LRFN2: variants seen among roughly 807,000 people sequenced by gnomAD.
The protein encoded by LRFN2 is leucine-rich repeat and fibronectin type-III domain-containing protein 2.
A neutral mutation model predicts 37.3 loss-of-function variants in LRFN2; 18 were observed. The observed-to-expected ratio is 0.48, with a 90% CI of 0.33 to 0.72. The LOEUF (loss-of-function observed/expected upper bound fraction) is 0.72. LRFN2 is among the 30% of genes least tolerant of loss of function. The probability of loss-of-function intolerance (pLI) is 0.02; values close to 1 mark genes in which losing one functional copy is unlikely to be tolerated. For synonymous variants in LRFN2, 556 were observed against 466.6 expected, an observed-to-expected ratio of 1.19 and a Z score of -2.47; for missense variants, 1,006 against 1,060.7, an observed-to-expected ratio of 0.95 and a Z score of 0.72.
intron 1 of LRFN2, among the ~76,000 whole-genome samples, chr6:40,529,064 A>G (rs1317297671): frequency 6.6e-6 from 1 of 152,070 alleles, no homozygotes; most frequent in African/African-American, 2.4e-5. Context: ...GCCCTTTTCT[A>G]TTTTCCAGGC....
chr6:40,571,695 G>A (rs925291064), intron 1 of LRFN2, among the ~76,000 whole-genome samples: 1 of 152,216 alleles, frequency 6.6e-6, no homozygotes, highest in African/African-American at 2.4e-5. Flanking sequence ...GAGCCTCTGT[G>A]GCCCTCCTTT....
At chr6:40,502,372 T>C (rs1765405223) in intron 1 of LRFN2, 1 of 152,134 alleles carries the variant, frequency 6.6e-6, no homozygotes, top group Non-Finnish European at 1.5e-5. Flanking sequence ...AGAATGGAAG[T>C]CCTTTGGGTG....
At chr6:40,442,182 T>C (rs79755011) in intron 1 of LRFN2, among the ~76,000 whole-genome samples, 11,963 of 152,260 alleles carry the variant, frequency 0.079, 690 homozygotes, top group Admixed American at 0.18. Context: ...GTGCAGGGTC[T>C]TCTCTAGGAA....
chr6:40,552,912 C>T (rs1487839560), intron 1 of LRFN2, among the ~76,000 whole-genome samples: 2 of 152,150 alleles, frequency 1.3e-5, no homozygotes, highest in African/African-American at 4.8e-5. Flanking sequence ...ATCCTATTCT[C>T]ATTTATCTTA....
intron 1 of LRFN2, among the ~76,000 whole-genome samples, chr6:40,573,669 T>C (rs1767226098): frequency 6.6e-6 from 1 of 152,194 alleles, no homozygotes; most frequent in Non-Finnish European, 1.5e-5. Flanking sequence ...GGCCTGGGAC[T>C]TTCCTAACTT....
chr6:40,393,701 G>A (rs1290221118), intron 2 of LRFN2, among the ~76,000 whole-genome samples: 2 of 152,152 alleles, frequency 1.3e-5, no homozygotes, highest in South Asian at 2.1e-4. Context: ...AGCCCACCCC[G>A]AGGCTTGCTC....
intron 1 of LRFN2, among the ~76,000 whole-genome samples, chr6:40,585,694 G>A (rs1281608320): frequency 6.6e-6 from 1 of 152,104 alleles, no homozygotes; most frequent in African/African-American, 2.4e-5. Context: ...TCACAGCCCA[G>A]GGAATGGCAG....
At chr6:40,585,826 T>A (rs1410271705) in intron 1 of LRFN2, among the ~76,000 whole-genome samples, 6 of 150,424 alleles carry the variant, frequency 4.0e-5, no homozygotes, top group Non-Finnish European at 8.9e-5. Flanking sequence ...CCCTGAAACA[T>A]ACACATGCGT....
chr6:40,498,099 T>A (rs1483969615), intron 1 of LRFN2, among the ~76,000 whole-genome samples: 1 of 152,060 alleles, frequency 6.6e-6, no homozygotes, highest in Non-Finnish European at 1.5e-5. Flanking sequence ...GGAGGCAACA[T>A]TGACTCTACA....
intron 1 of LRFN2, among the ~76,000 whole-genome samples, chr6:40,516,873 AC>A (rs1765893524): frequency 6.6e-6 from 1 of 152,054 alleles, no homozygotes; most frequent in Admixed American, 6.6e-5. Context: ...GCAGAAAAAG[AC>A]CCCAAGGCCA....
chr6:40,460,564 T>C (rs529886177), intron 1 of LRFN2, among the ~76,000 whole-genome samples: 1 of 152,288 alleles, frequency 6.6e-6, no homozygotes, highest in South Asian at 2.1e-4. Flanking sequence ...GAAATGCAAA[T>C]TGCCATAATA....
At chr6:40,471,441 T>C (rs1006132783) in intron 1 of LRFN2, among the ~76,000 whole-genome samples, 1 of 152,198 alleles carries the variant, frequency 6.6e-6, no homozygotes, top group Non-Finnish European at 1.5e-5. Flanking sequence ...TCACACCGAC[T>C]GCTGAAATCT....
intron 2 of LRFN2, among the ~76,000 whole-genome samples, chr6:40,419,451 A>G (rs1005384570): frequency 6.6e-6 from 1 of 152,156 alleles, no homozygotes; most frequent in Non-Finnish European, 1.5e-5. Flanking sequence ...GAAGATTGAA[A>G]TCAGAACTGG....
rs76523296 is a variant in LRFN2 at position 40,447,023 on chromosome 6, T to A, written c.-18-13892A>T. On this transcript the variant is annotated intron_variant, in intron 1 of 2. Coordinates refer to ENST00000338305, the MANE Select transcript of LRFN2 (RefSeq NM_020737.3). ...AGCTCCCTGGGATTGGGGCTGCGTC[T>A]CCCCTCAGACTGGGGCTCCCTGAGG... 1.7e-4 allele frequency among the ~76,000 whole-genome samples: 24 copies of A among 139,958 alleles called. No homozygotes were observed. The East Asian group carries it at 5.1e-3, about 30-fold the overall frequency. 91.8% of individuals were successfully genotyped at this position (139,958 alleles called of 152,430 possible).
chr6:40,564,778 C>A (rs1767058913), intron 1 of LRFN2, among the ~76,000 whole-genome samples: 1 of 152,116 alleles, frequency 6.6e-6, no homozygotes, highest in Non-Finnish European at 1.5e-5. Context: ...TGCTTCTTAA[C>A]AGCCCATGAT....
intron 2 of LRFN2, among the ~76,000 whole-genome samples, chr6:40,406,619 T>C (rs1421522484): frequency 6.6e-6 from 1 of 152,186 alleles, no homozygotes; most frequent in Non-Finnish European, 1.5e-5. Flanking sequence ...TTCCAGGACA[T>C]GCCAGGCAGT....
chr6:40,576,666 C>T lies in LRFN2; in HGVS notation c.-19+10275G>A, dbSNP rs576164479. Among the ~76,000 whole-genome samples, 8 of 152,254 alleles carry T rather than the reference C, an allele frequency of 5.3e-5. No individual in the cohort carries two copies. In the South Asian group the frequency reaches 6.2e-4, roughly 12 times the overall value. ...CCAAATTTACATGGCCTGAGATTTA[C>T]GGAACAGGCTGATCACAGAGCCCTA... is the stretch of plus-strand genomic sequence containing the variant. On this transcript the variant is annotated intron_variant, in intron 1 of 2. Transcript: ENST00000338305.
chr6:40,432,783 G>A lies in LRFN2; in HGVS notation c.331C>T (p.Arg111Trp), dbSNP rs1386852531. The change falls in exon 2 of 3, where the codon CGG becomes TGG. Residue 111 changes from arginine to tryptophan, a missense_variant. By Grantham distance (101) the Arg-to-Trp change is moderately radical. Around this residue, in one of 4 missense-constraint regions of LRFN2, gnomAD observed 185 missense variants for 254.9 expected, o/e 0.73. Transcript: ENST00000338305. ...SLRSLHLDSN[R>W]LPSLGEDTLR... The stretch of plus-strand genomic sequence containing the variant: ...GTGTCCTCCCCAAGGCTTGGCAGCC[G>A]ATTGCTGTCAAGATGCAGGGAGCGG... The A allele has an allele frequency of 1.2e-6, 2 of 1,614,208 alleles. No homozygotes were observed. The highest frequency in any genetic ancestry group is 1.7e-5 in the Admixed American group (1 of 60,036).
chr6:40,439,923 AAG>A (rs1763790449), intron 1 of LRFN2, among the ~76,000 whole-genome samples: 1 of 151,964 alleles, frequency 6.6e-6, no homozygotes, highest in Admixed American at 6.5e-5. Context: ...AAAAGAGAGA[AAG>A]AGAGACAGAG....
Sources: allele counts gnomAD v4.1 joint callset (sites outside exome capture counted in the v4.1 genomes callset), GRCh38; gene constraint gnomAD v4.1.1; regional missense constraint gnomAD v4.1.1; transcripts MANE v1.5; gene names NCBI Gene and HGNC (gene_info 2026-07-23, HGNC 2026-07-21).